The following KRABD5 variants were observed in gnomAD, a reference collection of about 807,000 sequenced individuals.
KRABD5 encodes KRAB domain-containing protein 5.
At chr16:31,744,732 G>A in the KRABD5 span, among the ~76,000 whole-genome samples, 15 of 152,226 alleles carry the variant, frequency 9.9e-5, no homozygotes, top group East Asian at 1.9e-3. Flanking sequence ...GGTAGAATTC[G>A]GCTGTGAATC....
At chr16:31,719,876 C>T in the KRABD5 span, among the ~76,000 whole-genome samples, 3 of 152,200 alleles carry the variant, frequency 2.0e-5, no homozygotes, top group Admixed American at 2.0e-4. Flanking sequence ...CAAGTAGTAA[C>T]AAAGTCAATG....
chr16:31,713,450 T>C, the KRABD5 span: 1 of 1,603,202 alleles, frequency 6.2e-7, no homozygotes, highest in Non-Finnish European at 8.5e-7. Flanking sequence ...ATGTGCCAGG[T>C]CGGGGGTCCC....
chr16:31,720,668 C>A, the KRABD5 span, among the ~76,000 whole-genome samples: 1 of 152,182 alleles, frequency 6.6e-6, no homozygotes, highest in South Asian at 2.1e-4. Context: ...GATACCAATT[C>A]GTCTCATTAC....
chr16:31,741,501 C>A, the KRABD5 span, among the ~76,000 whole-genome samples: 1 of 152,070 alleles, frequency 6.6e-6, no homozygotes, highest in Non-Finnish European at 1.5e-5. Context: ...AATCACTATT[C>A]TGAGTGGTGT....
At chr16:31,752,860 A>G in the KRABD5 span, among the ~76,000 whole-genome samples, 1 of 152,186 alleles carries the variant, frequency 6.6e-6, no homozygotes, top group Non-Finnish European at 1.5e-5. Context: ...CTTGTCTATA[A>G]GACAAAGATA....
At chr16:31,732,170 G>A in the KRABD5 span, among the ~76,000 whole-genome samples, 1 of 152,178 alleles carries the variant, frequency 6.6e-6, no homozygotes, top group East Asian at 1.9e-4. Context: ...TTAAGGACTT[G>A]TCCTCAAATT....
chr16:31,723,757 A>AT, the KRABD5 span, among the ~76,000 whole-genome samples: 3 of 152,060 alleles, frequency 2.0e-5, no homozygotes, highest in African/African-American at 7.3e-5. Flanking sequence ...GGACAGTAGG[A>AT]TTTTTTTCAG....
At chr16:31,741,727 A>C in the KRABD5 span, among the ~76,000 whole-genome samples, 1 of 151,914 alleles carries the variant, frequency 6.6e-6, no homozygotes, top group Non-Finnish European at 1.5e-5. Flanking sequence ...TAGTTTGTGA[A>C]TATCTTCTCC....
chr16:31,730,993 TA>T, the KRABD5 span, among the ~76,000 whole-genome samples: 3 of 152,236 alleles, frequency 2.0e-5, no homozygotes, highest in Admixed American at 2.0e-4. Context: ...TGAAATTCTT[TA>T]AGATGATTAT....
the KRABD5 span, among the ~76,000 whole-genome samples, chr16:31,743,763 A>ATT: frequency 6.6e-6 from 1 of 151,908 alleles, no homozygotes. Flanking sequence ...AGGATGGAAT[A>ATT]TTTTTCCATT....
At chr16:31,727,712 T>G in the KRABD5 span, among the ~76,000 whole-genome samples, 1 of 152,186 alleles carries the variant, frequency 6.6e-6, no homozygotes, top group Non-Finnish European at 1.5e-5. Flanking sequence ...TTCTGTTTCT[T>G]TGTGATTTAA....
chr16:31,720,012 A>G, the KRABD5 span, among the ~76,000 whole-genome samples: 2 of 152,230 alleles, frequency 1.3e-5, no homozygotes, highest in Admixed American at 6.5e-5. Flanking sequence ...AGGCTAGGCC[A>G]TTATCTAAAT....
the KRABD5 span, among the ~76,000 whole-genome samples, chr16:31,734,121 A>T: frequency 0.13 from 19,300 of 152,164 alleles, 1,587 homozygotes; most frequent in South Asian, 0.32. Context: ...TTTACGGAGT[A>T]CAATTATATA....
At chr16:31,755,341 C>T in the KRABD5 span, 3 of 504,730 alleles carry the variant, frequency 5.9e-6, no homozygotes, top group South Asian at 1.5e-5. Flanking sequence ...GTAGTTCACG[C>T]CTTACTCAAC....
chr16:31,725,058 G>A, the KRABD5 span, among the ~76,000 whole-genome samples: 1 of 152,116 alleles, frequency 6.6e-6, no homozygotes. Flanking sequence ...TATATATTTT[G>A]AATAATCAGC....
the KRABD5 span, among the ~76,000 whole-genome samples, chr16:31,714,597 G>T: frequency 2.6e-5 from 4 of 152,214 alleles, no homozygotes; most frequent in Non-Finnish European, 5.9e-5. Flanking sequence ...ATTGAGAAGC[G>T]GGTGTGTGGA....
chr16:31,720,177 AAATGCTG>A, the KRABD5 span, among the ~76,000 whole-genome samples: 8 of 152,260 alleles, frequency 5.3e-5, no homozygotes, highest in Non-Finnish European at 1.2e-4. Context: ...GCTGTTTTCC[AAATGCTG>A]ACTTAGATGT....
the KRABD5 span, among the ~76,000 whole-genome samples, chr16:31,721,325 G>C: frequency 6.6e-6 from 1 of 152,040 alleles, no homozygotes. Flanking sequence ...TCAGTTTTGT[G>C]TTGCTGCCTT....
At chr16:31,746,675 G>C in the KRABD5 span, among the ~76,000 whole-genome samples, 3 of 152,288 alleles carry the variant, frequency 2.0e-5, no homozygotes, top group South Asian at 6.2e-4. Context: ...TTCTAGGTTA[G>C]GGAAGTTCAC....
Sources: allele counts gnomAD v4.1 joint callset (sites outside exome capture counted in the v4.1 genomes callset), GRCh38; gene constraint gnomAD v4.1.1; transcripts MANE v1.5; gene names NCBI Gene and HGNC (gene_info 2026-07-23, HGNC 2026-07-21).